Variants in YME1L1 observed in about 807,000 individuals in gnomAD.
YME1L1 encodes the protein YME1 like 1 ATPase, also known as ATP-dependent zinc metalloprotease YME1L1.
A neutral mutation model predicts 90.4 loss-of-function variants in YME1L1; 39 were observed. The observed-to-expected ratio is 0.43, with a 90% confidence interval of 0.33 to 0.56. YME1L1 has a LOEUF of 0.56. Ranked by LOEUF, YME1L1 falls within the 20% of genes least tolerant of loss-of-function variation. YME1L1 has a pLI of 0.03. For missense variants in YME1L1, 617 were observed against 868.4 expected, an observed-to-expected ratio of 0.71 and a Z score of 3.64; for synonymous variants, 284 against 287.3, an observed-to-expected ratio of 0.99 and a Z score of 0.12.
At chr10:27,136,445 TAA>T in intron 4 of YME1L1, 60 bp from the exon 5 acceptor site, 1 of 1,401,172 alleles carries the variant, frequency 7.1e-7, no homozygotes, top group Non-Finnish European at 1.0e-6. Flanking sequence ...GAAAAATGCC[TAA>T]GATTCTAAAG....
At chr10:27,150,387 G>A (rs2135908307) in intron 1 of YME1L1, among the ~76,000 whole-genome samples, 1 of 152,268 alleles carries the variant, frequency 6.6e-6, no homozygotes, top group African/African-American at 2.4e-5. Context: ...GAACCAGAGT[G>A]ACTCCATCTG....
intron 1 of YME1L1, among the ~76,000 whole-genome samples, chr10:27,149,514 A>C (rs143669711): frequency 0.099 from 14,971 of 151,700 alleles, 2,406 homozygotes; most frequent in African/African-American, 0.34. Context: ...GTTCAAGACC[A>C]GCCTGACCAA....
At chr10:27,145,708 TTTTTAATATTTAAAAATAAATTGA>T (rs1169782547) in intron 2 of YME1L1, 118 bp from the exon 3 acceptor site, 1 of 861,068 alleles carries the variant, frequency 1.2e-6, no homozygotes, top group African/African-American at 1.7e-5. Flanking sequence ...ATATTTCCTT[TTTTTAATATTTAAAAATAAATTGA>T]TGCAAATATT....
chr10:27,116,092 G>T lies in YME1L1; in HGVS notation c.1888C>A (p.Arg630=). The change falls in exon 17 of 19, where the codon CGG becomes AGG. Residue 630 remains arginine, a synonymous_variant. Transcript: ENST00000376016. ...DFDNATKIAK[R]MVTKFGMSEK... The stretch of plus-strand genomic sequence containing the variant: ...CTCATTCCAAATTTGGTAACCATCC[G>T]CTTTGCTATTTTAGTGGCATTATCA... 6.2e-7 allele frequency: 1 copy of T among 1,613,804 alleles called. No individual in the cohort carries two copies. The highest frequency in any genetic ancestry group is 1.1e-5 in the South Asian group (1 of 91,032).
At chr10:27,146,426 T>C (rs764270725) in intron 2 of YME1L1, 26 of 152,228 alleles carry the variant, frequency 1.7e-4, no homozygotes, top group Admixed American at 1.4e-3. Flanking sequence ...ATTATTTTCT[T>C]GTCCACATGA....
At chr10:27,142,051 CT>C (rs1393121779) in intron 4 of YME1L1, among the ~76,000 whole-genome samples, 1 of 131,976 alleles carries the variant, frequency 7.6e-6, no homozygotes, top group East Asian at 2.6e-4. Context: ...TGTTGTTGCT[CT>C]TTTTTTCTCA....
chr10:27,117,892 TA>T (rs1458692383), intron 14 of YME1L1, among the ~76,000 whole-genome samples, 165 bp from the exon 15 acceptor site: 3 of 152,058 alleles, frequency 2.0e-5, no homozygotes, highest in Admixed American at 2.0e-4. Flanking sequence ...AGAGGAACAA[TA>T]AAAAATAATA....
chr10:27,131,769 CTAGAA>C (rs967379153), intron 8 of YME1L1, 85 bp downstream of exon 8: 1 of 962,504 alleles, frequency 1.0e-6, no homozygotes, highest in African/African-American at 1.7e-5. Context: ...TTTACCTATT[CTAGAA>C]TACACTGTAG....
intron 8 of YME1L1, among the ~76,000 whole-genome samples, chr10:27,130,124 CAATG>C (rs1444461331): frequency 2.0e-5 from 3 of 152,170 alleles, no homozygotes; most frequent in African/African-American, 7.2e-5. Context: ...TCAGGTACAC[CAATG>C]ACCTACTGCT....
In YME1L1 at chr10:27,126,861, A is replaced by G. The variant is rs193141871; in HGVS notation, c.859-75T>C. On this transcript the variant is annotated intron_variant, in intron 8 of 18. Coordinates refer to ENST00000376016, the MANE Select transcript of YME1L1 (RefSeq NM_014263.4). ...TTAGATTATCAAGGCTTCCCTTTTG[A>G]AAATCATAAATTTAATTTGGATATG... The G allele has an allele frequency of 7.1e-6, 6 of 847,862 alleles. No homozygotes were observed. In the Admixed American group the frequency reaches 2.0e-4, roughly 28 times the overall value. The allele number at this position is 847,862 out of a possible 1,614,324, so 52.5% of individuals were successfully genotyped here.
chr10:27,126,824 G>T, intron 8 of YME1L1, 38 bp from the exon 9 acceptor site: 2 of 1,214,966 alleles, frequency 1.6e-6, no homozygotes, highest in South Asian at 1.4e-5. Flanking sequence ...TTTAGATAAT[G>T]GACACGTTTG....
At chr10:27,147,559 T>C (rs2057158537) in intron 2 of YME1L1, 2 of 1,606,272 alleles carry the variant, frequency 1.2e-6, no homozygotes, top group South Asian at 1.1e-5. Flanking sequence ...GTCCAAGCTC[T>C]TCTTCATCCT....
At chr10:27,150,821 C>T (rs1359405342) in intron 1 of YME1L1, among the ~76,000 whole-genome samples, 1 of 151,894 alleles carries the variant, frequency 6.6e-6, no homozygotes, top group Non-Finnish European at 1.5e-5. Flanking sequence ...AGGTATCCTT[C>T]GTGGACAAGC....
At chr10:27,153,412 T>TGTTTTAAATAGTTTTAAATAGTTTAAATA (rs1181240166) in intron 1 of YME1L1, 1 of 333,264 alleles carries the variant, frequency 3.0e-6, no homozygotes, top group East Asian at 7.7e-5. Flanking sequence ...AAAAACTCAA[T>TGTTTTAAATAGTTTTAAATAGTTTAAATA]GTTTTAAAAA....
At chr10:27,112,500 T>C (rs978566143) in intron 18 of YME1L1, among the ~76,000 whole-genome samples, 3 of 152,198 alleles carry the variant, frequency 2.0e-5, no homozygotes, top group Non-Finnish European at 4.4e-5. Flanking sequence ...ATGTTTACCC[T>C]AGTTACTTCA....
rs762357217 is a variant in YME1L1 at position 27,134,090 on chromosome 10, C to A, written c.724G>T (p.Val242Phe). Residue 242 changes from valine to phenylalanine, a missense_variant, in exon 7 of 19, where the codon GTT becomes TTT. Physicochemically the swap from Val to Phe is conservative, Grantham distance 50 (BLOSUM62 -1). Transcript: ENST00000376016. Reference sequence around the variant, plus strand: ...CCATAAATGCCGAATAGCAGCAGAACGAAGAGAATCAGACGGGTTCGCCTT... The same window carrying A: ...CCATAAATGCCGAATAGCAGCAGAAAGAAGAGAATCAGACGGGTTCGCCTT... ...SLRRTRLILFVLLLFGIYGLL... is the reference protein window; with the variant it reads ...SLRRTRLILFFLLLFGIYGLL... 4 of 1,613,200 alleles carry A rather than the reference C, an allele frequency of 2.5e-6. No individual in the cohort carries two copies. The South Asian group carries it at 3.3e-5, about 13-fold the overall frequency.
chr10:27,136,148 T>C (rs2057024782), intron 5 of YME1L1, 128 bp downstream of exon 5: 1 of 751,764 alleles, frequency 1.3e-6, no homozygotes, highest in South Asian at 1.8e-5. Context: ...CACAGGTTAC[T>C]AATCCCTTAT....
At chr10:27,117,829 C>A (rs1169959091) in intron 14 of YME1L1, 102 bp from the exon 15 acceptor site, 9 of 1,206,220 alleles carry the variant, frequency 7.5e-6, no homozygotes, top group Non-Finnish European at 1.1e-5. Context: ...CCCTTCCTAT[C>A]AGCAGATTCT....
rs1265441742 is a variant in YME1L1, at chr10:27,110,606, G to C, written c.*1371C>G. 1 of 152,148 alleles carries C rather than the reference G, an allele frequency of 6.6e-6. No individual in the cohort carries two copies. The highest frequency in any genetic ancestry group is 6.6e-5 in the Admixed American group (1 of 15,254). The allele number at this position is 152,148 out of a possible 1,614,324, so 9.4% of individuals were successfully genotyped here. On this transcript the variant is annotated 3_prime_UTR_variant, in exon 19 of 19. Coordinates refer to ENST00000376016, the MANE Select transcript of YME1L1 (RefSeq NM_014263.4). ...CAGCATGTTCATATTCACAAAATCT[G>C]AATGAAAAGTAAACACAACTTGGCA... is the stretch of plus-strand genomic sequence containing the variant.
Sources: allele counts gnomAD v4.1 joint callset (sites outside exome capture counted in the v4.1 genomes callset), GRCh38; gene constraint gnomAD v4.1.1; transcripts MANE v1.5; gene names NCBI Gene and HGNC (gene_info 2026-07-23, HGNC 2026-07-21).